CNTNAP2: variants seen among roughly 807,000 people sequenced by gnomAD.
CNTNAP2 encodes the protein contactin-associated protein-like 2.
CNTNAP2 carries 98 observed loss-of-function variants against 155.2 expected under a neutral mutation model. That is an observed-to-expected ratio of 0.63 (90% confidence interval 0.54 to 0.75). The LOEUF (loss-of-function observed/expected upper bound fraction) is 0.75, where lower values mean the gene tolerates loss of function less well. Among genes scored for constraint, CNTNAP2 ranks in the 30% least tolerant of loss-of-function variants. CNTNAP2 has a pLI of 0.00. For missense variants in CNTNAP2, 1,727 were observed against 1,688.1 expected (o/e 1.02, Z -0.40); for synonymous variants, 651 against 631.2 (o/e 1.03, Z -0.47).
chr7:148,313,246 G>A (rs1413611761), intron 21 of CNTNAP2, among the ~76,000 whole-genome samples: 1 of 150,252 alleles, frequency 6.7e-6, no homozygotes, highest in African/African-American at 2.4e-5. Flanking sequence ...GCTCTCCACT[G>A]TGAGAATTAC....
intron 1 of CNTNAP2, among the ~76,000 whole-genome samples, chr7:146,735,546 C>G (rs1484981068): frequency 6.6e-6 from 1 of 152,044 alleles, no homozygotes; most frequent in Non-Finnish European, 1.5e-5. Context: ...CAGAGCAAGA[C>G]TCTGTCTCAA....
intron 8 of CNTNAP2, among the ~76,000 whole-genome samples, chr7:147,222,553 C>T (rs576727529): frequency 6.6e-6 from 1 of 152,196 alleles, no homozygotes; most frequent in South Asian, 2.1e-4. Flanking sequence ...TCTGATAATC[C>T]AATATCCCTG....
chr7:148,202,582 G>C (rs987222916), intron 18 of CNTNAP2, among the ~76,000 whole-genome samples: 1 of 152,100 alleles, frequency 6.6e-6, no homozygotes, highest in African/African-American at 2.4e-5. Flanking sequence ...CAAAAAGAGG[G>C]GTGTGCTTGA....
At chr7:147,176,841 T>C (rs1421706772) in intron 8 of CNTNAP2, among the ~76,000 whole-genome samples, 1 of 125,890 alleles carries the variant, frequency 7.9e-6, no homozygotes, top group African/African-American at 3.1e-5. Flanking sequence ...TATAATTATA[T>C]ATTATAATAT....
At chr7:148,061,772 A>T (rs972726503) in intron 15 of CNTNAP2, among the ~76,000 whole-genome samples, 1 of 151,954 alleles carries the variant, frequency 6.6e-6, no homozygotes, top group African/African-American at 2.4e-5. Flanking sequence ...AATATAAGAC[A>T]ATAGGAACAA....
chr7:147,636,909 C>G (rs970301152), intron 12 of CNTNAP2, among the ~76,000 whole-genome samples: 2 of 152,054 alleles, frequency 1.3e-5, no homozygotes, highest in Non-Finnish European at 1.5e-5. Context: ...AAGGCTGGCA[C>G]TGGAAGAGAA....
intron 10 of CNTNAP2, among the ~76,000 whole-genome samples, chr7:147,423,301 T>C (rs915903946): frequency 1.4e-4 from 21 of 152,206 alleles, no homozygotes; most frequent in Non-Finnish European, 2.9e-5. Context: ...TTAGGTTAGC[T>C]AGCTGATGTT....
At chr7:147,174,863 T>C (rs1802305100) in intron 8 of CNTNAP2, among the ~76,000 whole-genome samples, 1 of 152,130 alleles carries the variant, frequency 6.6e-6, no homozygotes, top group African/African-American at 2.4e-5. Context: ...ACTGGGAACA[T>C]GGTAAAATAT....
intron 1 of CNTNAP2, among the ~76,000 whole-genome samples, chr7:146,509,060 G>A (rs536745805): frequency 1.3e-5 from 2 of 152,268 alleles, no homozygotes; most frequent in East Asian, 3.9e-4. Context: ...GGCACTCAGG[G>A]GTGCAGAGCA....
At chr7:147,232,693 C>A (rs777562535) in intron 8 of CNTNAP2, among the ~76,000 whole-genome samples, 1 of 152,076 alleles carries the variant, frequency 6.6e-6, no homozygotes, top group East Asian at 1.9e-4. Context: ...GAAATGGATT[C>A]AAGACTTAAA....
At chr7:147,426,337 GGT>G (rs1039745364) in intron 10 of CNTNAP2, among the ~76,000 whole-genome samples, 1 of 151,956 alleles carries the variant, frequency 6.6e-6, no homozygotes, top group African/African-American at 2.4e-5. Context: ...GTGCTTCTTT[GGT>G]GTGTGTGTTT....
At chr7:146,370,703 GT>G (rs1370042970) in intron 1 of CNTNAP2, among the ~76,000 whole-genome samples, 2 of 151,962 alleles carry the variant, frequency 1.3e-5, no homozygotes, top group Non-Finnish European at 2.9e-5. Flanking sequence ...AGCGTGCCTT[GT>G]TCCAAAGGAA....
chr7:148,269,771 G>A (rs1459770704), intron 21 of CNTNAP2, among the ~76,000 whole-genome samples: 1 of 152,178 alleles, frequency 6.6e-6, no homozygotes, highest in East Asian at 1.9e-4. Flanking sequence ...GTAGGGCCTT[G>A]GCATTCATGA....
intron 9 of CNTNAP2, among the ~76,000 whole-genome samples, chr7:147,391,450 G>T (rs188968184): frequency 6.6e-6 from 1 of 151,934 alleles, no homozygotes; most frequent in Non-Finnish European, 1.5e-5. Flanking sequence ...TTTCTATTTT[G>T]TCCCAACTCT....
chr7:147,590,823 G>C (rs1165446855), intron 12 of CNTNAP2, among the ~76,000 whole-genome samples: 5 of 152,168 alleles, frequency 3.3e-5, no homozygotes, highest in Non-Finnish European at 5.9e-5. Flanking sequence ...AGCCCTGTTT[G>C]ATAGAACAAC....
chr7:148,230,093 G>A (rs924633316), intron 20 of CNTNAP2, among the ~76,000 whole-genome samples: 3 of 152,174 alleles, frequency 2.0e-5, no homozygotes, highest in Admixed American at 6.5e-5. Context: ...ATCTTTCTTC[G>A]CCAAGCTCTC....
At chr7:147,208,990 A>T (rs1296460960) in intron 8 of CNTNAP2, among the ~76,000 whole-genome samples, 1 of 151,972 alleles carries the variant, frequency 6.6e-6, no homozygotes, top group African/African-American at 2.4e-5. Flanking sequence ...CTTATGTACA[A>T]GTTAGATATA....
intron 9 of CNTNAP2, among the ~76,000 whole-genome samples, chr7:147,315,111 C>CA (rs61529667): frequency 0.028 from 2,973 of 107,136 alleles, 104 homozygotes; most frequent in African/African-American, 0.077. Context: ...GGGTACTTTA[C>CA]AAAAAAAAAA....
chr7:147,274,907 C>T (rs1804861217), intron 8 of CNTNAP2, among the ~76,000 whole-genome samples: 1 of 152,006 alleles, frequency 6.6e-6, no homozygotes, highest in African/African-American at 2.4e-5. Context: ...ATTTTCTCAA[C>T]ACCATTTATT....
Sources: allele counts gnomAD v4.1 joint callset (sites outside exome capture counted in the v4.1 genomes callset), GRCh38; gene constraint gnomAD v4.1.1; transcripts MANE v1.5; gene names NCBI Gene and HGNC (gene_info 2026-07-23, HGNC 2026-07-21).